Variants in SEPTIN12 observed in about 807,000 individuals in gnomAD.
The protein encoded by SEPTIN12 is septin 12.
Under a neutral mutation model 37.7 loss-of-function variants are expected in SEPTIN12, and 42 were observed. The ratio of observed to expected loss-of-function variants is 1.11; its 90% CI spans 0.87 to 1.44. SEPTIN12 has a LOEUF of 1.44. Ranked by LOEUF, SEPTIN12 falls within the 40% of genes most tolerant of loss-of-function variation. The pLI is 0.00. For synonymous variants in SEPTIN12, 254 were observed against 196.7 expected (o/e 1.29, Z -2.44); for missense variants, 613 against 479.2 (o/e 1.28, Z -2.61).
chr16:4,786,249 C>A, intron 2 of SEPTIN12, 144 bp from the exon 3 acceptor site: 1 of 1,131,370 alleles, frequency 8.8e-7, no homozygotes, highest in South Asian at 1.7e-5. Context: ...TCCCCGTTCA[C>A]TGCAGCCTCG....
chr16:4,784,152 C>G, intron 4 of SEPTIN12, 84 bp from the exon 5 acceptor site: 1 of 1,543,022 alleles, frequency 6.5e-7, no homozygotes, highest in Non-Finnish European at 8.9e-7. Context: ...TCTGGGCGGT[C>G]CTCCCTTGGG....
intron 4 of SEPTIN12, among the ~76,000 whole-genome samples, chr16:4,785,536 G>T (rs952090896): frequency 1.3e-5 from 2 of 152,026 alleles, no homozygotes; most frequent in African/African-American, 2.4e-5. Context: ...CACTTTGGGA[G>T]GCCGAGGCGG....
intron 7 of SEPTIN12, among the ~76,000 whole-genome samples, chr16:4,780,069 C>A (rs1416701357): frequency 6.6e-6 from 1 of 151,868 alleles, no homozygotes; most frequent in African/African-American, 2.4e-5. Context: ...TGGTGAAAGG[C>A]CATCTCTGCA....
Position 4,785,842 on chromosome 16 carries a change from C to A in SEPTIN12, c.339G>T (p.Thr113=), listed in dbSNP as rs944969696. 1.4e-5 allele frequency: 23 copies of A among 1,606,832 alleles called. No individual in the cohort carries two copies. The highest frequency in any genetic ancestry group is 2.0e-5 in the Non-Finnish European group (23 of 1,176,810). ...TGTTGATCTGGTCCCCGAAGCCGGG[C>A]GTGTCCGTCACCGTCAGCTTCAGCT... ...GVKLKLTVTD[T]PGFGDQINND... Residue 113 remains threonine (T), a synonymous_variant, in exon 4 of 10, where the codon ACG becomes ACT. Coordinates refer to ENST00000268231, the MANE Select transcript of SEPTIN12 (RefSeq NM_144605.5).
chr16:4,780,317 G>C (rs1451617545), intron 7 of SEPTIN12, among the ~76,000 whole-genome samples: 1 of 151,616 alleles, frequency 6.6e-6, no homozygotes, highest in Admixed American at 6.6e-5. Context: ...CTAACTCCTG[G>C]GCTCAAGTGA....
chr16:4,787,753 C>G (rs2082482303), intron 1 of SEPTIN12, 86 bp from the exon 2 acceptor site: 1 of 639,650 alleles, frequency 1.6e-6, no homozygotes, highest in Admixed American at 2.8e-5. Flanking sequence ...CCTATTTGAG[C>G]TTGGCCGTTG....
chr16:4,783,610 C>T (rs370057390), intron 6 of SEPTIN12, 39 bp downstream of exon 6: 12 of 1,610,596 alleles, frequency 7.5e-6, no homozygotes, highest in Non-Finnish European at 9.3e-6. Flanking sequence ...CTGCCCTCTG[C>T]CCCCGCTGAC....
chr16:4,781,320 A>G (rs749961418), intron 7 of SEPTIN12, among the ~76,000 whole-genome samples: 7 of 151,712 alleles, frequency 4.6e-5, no homozygotes, highest in Non-Finnish European at 1.0e-4. Context: ...CAAACAAAAC[A>G]TTGTACGGTA....
chr16:4,784,993 T>A (rs2082420681), intron 4 of SEPTIN12, among the ~76,000 whole-genome samples: 1 of 151,878 alleles, frequency 6.6e-6, no homozygotes, highest in African/African-American at 2.4e-5. Context: ...ACACCTGTAA[T>A]CCCAGCACTT....
At chr16:4,784,225 C>CT in intron 4 of SEPTIN12, 157 bp from the exon 5 acceptor site, 1 of 723,172 alleles carries the variant, frequency 1.4e-6, no homozygotes, top group Non-Finnish European at 2.3e-6. Flanking sequence ...CCCCACTTCC[C>CT]TGCATCATCA....
intron 7 of SEPTIN12, 136 bp downstream of exon 7, chr16:4,783,326 G>T: frequency 1.4e-6 from 1 of 724,626 alleles, no homozygotes; most frequent in Non-Finnish European, 2.4e-6. Flanking sequence ...CCTTGAGCTT[G>T]TGGATGAGTA....
rs741695 is a variant in SEPTIN12, at chr16:4,787,361, T to C, written c.166+119A>G. On this transcript the variant is annotated intron_variant, in intron 2 of 9. Coordinates refer to ENST00000268231, the MANE Select transcript of SEPTIN12 (RefSeq NM_144605.5). ...CAATGACAACATCCCTGTGAGGTGC[T>C]ATTATCAGGCCCACCTAAGAGATGG... The C allele has an allele frequency of 0.29, 252,440 of 883,546 alleles. 38,167 individuals are homozygous for C. Among genetic ancestry groups the C allele is most frequent in the South Asian group, 0.4 (29,980 of 74,700 alleles). 54.7% of individuals were successfully genotyped at this position (883,546 alleles called of 1,614,324 possible).
In SEPTIN12 at chr16:4,778,140, G is replaced by T. The variant is rs2082334301; in HGVS notation, c.824-3C>A. Reference sequence around the variant, plus strand: ...TTCACAGTGCGCCATGTTCTCCACTGCAAGACATGGGACTCAGTATGGGCG... The same window carrying T: ...TTCACAGTGCGCCATGTTCTCCACTTCAAGACATGGGACTCAGTATGGGCG... On this transcript the variant is annotated splice_region_variant and splice_polypyrimidine_tract_variant and intron_variant, in intron 8 of 9. Coordinates refer to ENST00000268231, the MANE Select transcript of SEPTIN12 (RefSeq NM_144605.5). 6.2e-7 allele frequency: 1 copy of T among 1,614,058 alleles called. No homozygotes were observed. Among genetic ancestry groups the T allele is most frequent in the Non-Finnish European group, 8.5e-7 (1 of 1,180,016 alleles).
In SEPTIN12 at chr16:4,786,789, G is replaced by C. The variant is rs115884309; in HGVS notation, c.167-684C>G. ...AGCCCCCCAAGTAGCTGGGATTCAG[G>C]TGCATGTCACCATGCCTGGCTAATT... On this transcript the variant is annotated intron_variant, in intron 2 of 9. Coordinates refer to ENST00000268231, the MANE Select transcript of SEPTIN12 (RefSeq NM_144605.5). Among the ~76,000 whole-genome samples, 1,086 of 152,210 alleles carry C rather than the reference G, an allele frequency of 7.1e-3. 19 individuals carry two copies. Among genetic ancestry groups the C allele is most frequent in the African/African-American group, 0.025 (1,043 of 41,502 alleles).
At chr16:4,784,801 A>G (rs1036234308) in intron 4 of SEPTIN12, among the ~76,000 whole-genome samples, 1 of 151,256 alleles carries the variant, frequency 6.6e-6, no homozygotes, top group Non-Finnish European at 1.5e-5. Context: ...AAATAAATAA[A>G]TAAATAAATA....
chr16:4,782,489 A>G (rs1368591770), intron 7 of SEPTIN12, among the ~76,000 whole-genome samples: 1 of 152,148 alleles, frequency 6.6e-6, no homozygotes, highest in Non-Finnish European at 1.5e-5. Flanking sequence ...GCTGGGTCAT[A>G]GAGTAACTGC....
rs1179159863 is a variant in SEPTIN12, at chr16:4,778,270, G to A, written c.824-133C>T. ...CTTTACCCTATCCTGCCTTCCCTTTGTTGGTTCATTCATTCATTCACCCAC... is the reference window on the plus strand; with the variant it reads ...CTTTACCCTATCCTGCCTTCCCTTTATTGGTTCATTCATTCATTCACCCAC... On this transcript the variant is annotated intron_variant, in intron 8 of 9. Transcript: ENST00000268231. 4 of 943,846 alleles carry A rather than the reference G, an allele frequency of 4.2e-6. No homozygotes were observed. In the Admixed American group the frequency reaches 8.1e-5, roughly 19 times the overall value. The allele number at this position is 943,846 out of a possible 1,614,324, so 58.5% of individuals were successfully genotyped here.
rs2082332232 is a variant in SEPTIN12, at chr16:4,778,006, A to G, written c.876-8T>C. On this transcript the variant is annotated splice_polypyrimidine_tract_variant and splice_region_variant and intron_variant, in intron 9 of 9. Transcript: ENST00000268231. ...AGGTCTTGGAGGTGGGAGCTGGGGG[A>G]CCGGAGACGGTCAGCCCCGATGGTG... 1 of 1,611,952 alleles carries G rather than the reference A, an allele frequency of 6.2e-7. No individual in the cohort carries two copies. Among genetic ancestry groups the G allele is most frequent in the Non-Finnish European group, 8.5e-7 (1 of 1,179,024 alleles).
chr16:4,791,712 C>T (rs1451111742), upstream of SEPTIN12, among the ~76,000 whole-genome samples: 1 of 152,110 alleles, frequency 6.6e-6, no homozygotes, highest in Non-Finnish European at 1.5e-5. Flanking sequence ...TTCTGAGACA[C>T]AGTCTCACTC....
Sources: allele counts gnomAD v4.1 joint callset (sites outside exome capture counted in the v4.1 genomes callset), GRCh38; gene constraint gnomAD v4.1.1; transcripts MANE v1.5; gene names NCBI Gene and HGNC (gene_info 2026-07-23, HGNC 2026-07-21).